Variants in RPS6KA2 observed in about 807,000 individuals in gnomAD.
The protein encoded by RPS6KA2 is ribosomal protein S6 kinase A2.
A neutral mutation model predicts 91.8 loss-of-function variants in RPS6KA2; 42 were observed. The observed-to-expected ratio is 0.46, with a 90% CI of 0.36 to 0.59. The LOEUF (loss-of-function observed/expected upper bound fraction) is 0.59. Among genes scored for constraint, RPS6KA2 ranks in the 20% least tolerant of loss-of-function variants. The pLI is 0.00. For missense variants in RPS6KA2, 798 were observed against 978.5 expected, an observed-to-expected ratio of 0.82 and a Z score of 2.46; for synonymous variants, 414 against 393.6, an observed-to-expected ratio of 1.05 and a Z score of -0.61.
chr6:166,728,049 C>T (rs1436420636), intron 2 of RPS6KA2, among the ~76,000 whole-genome samples: 3 of 152,202 alleles, frequency 2.0e-5, no homozygotes, highest in Admixed American at 1.3e-4. Flanking sequence ...ATAGCACTTA[C>T]CTTGCATTGG....
In RPS6KA2 at chr6:166,648,174, TCA is replaced by T. The variant is rs1491198183; in HGVS notation, c.124-109392_124-109391del. On this transcript the variant is annotated intron_variant, in intron 2 of 21. Transcript: ENST00000503859. This position sits in a 1 kb window ranked among gnomAD's most constrained non-coding sequence, Gnocchi z 4.8. ...TGGTTACACACCCATGCACACATGC[TCA>T]CACACATGCACACATGCTCATACAC... Among the ~76,000 whole-genome samples, 107 of 81,372 alleles carry T rather than the reference TCA, an allele frequency of 1.3e-3. No individual in the cohort carries two copies. Among genetic ancestry groups the T allele is most frequent in the African/African-American group, 4.9e-3 (98 of 19,982 alleles). The allele number at this position is 81,372 out of a possible 152,430, so 53.4% of individuals were successfully genotyped here. A position where few individuals can be genotyped will look rare whatever the true frequency, so the allele number is the denominator to read the frequency against.
rs74846936 is a variant in RPS6KA2, at chr6:166,724,864, C to T, written c.123+133336G>A. ...TCTGAAAGATAAACAAGTTAGCTCA[C>T]GCCCTCCCCTCCTCTCCACTTGCAT... On this transcript the variant is annotated intron_variant, in intron 2 of 21. Transcript: ENST00000503859. 5.3e-4 allele frequency among the ~76,000 whole-genome samples: 80 copies of T among 152,210 alleles called. 1 individual carries two copies. The highest frequency in any genetic ancestry group is 1.7e-3 in the African/African-American group (71 of 41,530).
At chr6:166,618,898 C>T (rs1305698341) in intron 1 of RPS6KA2, among the ~76,000 whole-genome samples, 3 of 152,178 alleles carry the variant, frequency 2.0e-5, no homozygotes, top group Non-Finnish European at 4.4e-5. Flanking sequence ...GCTTACAACC[C>T]TGAGAGACAC....
At chr6:166,734,881 C>T (rs904836764) in intron 2 of RPS6KA2, among the ~76,000 whole-genome samples, 1 of 152,152 alleles carries the variant, frequency 6.6e-6, no homozygotes, top group Non-Finnish European at 1.5e-5. Flanking sequence ...TTTTCACATA[C>T]AGAATGAGAA....
At chr6:166,823,333 A>G (rs1779950183) in intron 2 of RPS6KA2, among the ~76,000 whole-genome samples, 1 of 152,204 alleles carries the variant, frequency 6.6e-6, no homozygotes, top group Non-Finnish European at 1.5e-5. Flanking sequence ...CCTGACTCAC[A>G]CAAACTATTA....
intron 1 of RPS6KA2, among the ~76,000 whole-genome samples, chr6:166,569,660 A>G (rs1366409291): frequency 1.3e-5 from 2 of 152,144 alleles, no homozygotes; most frequent in African/African-American, 4.8e-5. Context: ...TGCTGCACGG[A>G]CCACAGACAA....
intron 2 of RPS6KA2, among the ~76,000 whole-genome samples, chr6:166,683,217 G>A (rs553106742): frequency 1.1e-4 from 17 of 152,330 alleles, no homozygotes; most frequent in African/African-American, 3.6e-4. Context: ...TCATACCTAC[G>A]TGTGCCTCTG....
At chr6:166,774,472 G>C (rs1778561701) in intron 2 of RPS6KA2, among the ~76,000 whole-genome samples, 1 of 152,140 alleles carries the variant, frequency 6.6e-6, no homozygotes, top group South Asian at 2.1e-4. Flanking sequence ...CTGGGTCTTT[G>C]AGAATGCTGT....
At position 166,665,285 on chromosome 6, in the gene RPS6KA2, G is replaced by A. The variant is rs1409542052; in HGVS notation, c.124-126501C>T. Among the ~76,000 whole-genome samples, 4 of 152,258 alleles carry A rather than the reference G, an allele frequency of 2.6e-5. No individual in the cohort carries two copies. Among genetic ancestry groups the A allele is most frequent in the South Asian group, 2.1e-4 (1 of 4,814 alleles). On this transcript the variant is annotated intron_variant, in intron 2 of 21. Transcript: ENST00000503859. The surrounding 1 kb of genome is among the most constrained non-coding windows in gnomAD (Gnocchi z 4.5). ...ATGGTGTGACTTACAGGAGCACCCC[G>A]AGGTGTATAAGAGTGTCCCTAAATT...
At chr6:166,857,907 C>T (rs1343268139) in intron 2 of RPS6KA2, among the ~76,000 whole-genome samples, 1 of 152,220 alleles carries the variant, frequency 6.6e-6, no homozygotes, top group African/African-American at 2.4e-5. Flanking sequence ...GGTACTAATG[C>T]ACCATGACCC....
intron 2 of RPS6KA2, among the ~76,000 whole-genome samples, chr6:166,836,721 G>A (rs1780326753): frequency 1.3e-5 from 2 of 152,162 alleles, no homozygotes; most frequent in Admixed American, 1.3e-4. Flanking sequence ...TAGCGTCTGG[G>A]CCAGTCTCGA....
chr6:166,712,963 T>C (rs2128581029), intron 2 of RPS6KA2, among the ~76,000 whole-genome samples: 2 of 152,318 alleles, frequency 1.3e-5, no homozygotes, highest in Middle Eastern at 3.4e-3. Flanking sequence ...AGCTCTGGGT[T>C]CCCGACAGCC....
At chr6:166,481,693 G>A (rs531716175) in intron 10 of RPS6KA2, among the ~76,000 whole-genome samples, 12 of 150,162 alleles carry the variant, frequency 8.0e-5, no homozygotes, top group African/African-American at 2.4e-4. Context: ...GTGCTGCAGC[G>A]CGGAGAGCTC....
chr6:166,725,186 A>G (rs1435628217), intron 2 of RPS6KA2, among the ~76,000 whole-genome samples: 2 of 152,028 alleles, frequency 1.3e-5, no homozygotes, highest in Non-Finnish European at 2.9e-5. Flanking sequence ...AGTAAAAAAA[A>G]GTCTTTTATT....
At chr6:166,759,855 C>T (rs1369537712) in intron 2 of RPS6KA2, among the ~76,000 whole-genome samples, 2 of 152,342 alleles carry the variant, frequency 1.3e-5, no homozygotes, top group East Asian at 1.9e-4. Flanking sequence ...AACGCAGCGC[C>T]GTTCCCACCA....
Position 166,650,148 on chromosome 6 carries a change from CAA to C in RPS6KA2, c.124-111366_124-111365del, listed in dbSNP as rs71800915. 1.8e-3 allele frequency among the ~76,000 whole-genome samples: 167 copies of C among 94,690 alleles called. No individual in the cohort carries two copies. The Middle Eastern group carries it at 0.029, about 16-fold the overall frequency. 62.1% of individuals were successfully genotyped at this position (94,690 alleles called of 152,430 possible). On this transcript the variant is annotated intron_variant, in intron 2 of 21. Coordinates refer to the RPS6KA2 transcript ENST00000503859. ...GGCTCATTTGTTTTGTTGGGAATTACAAAAAAAAAAAAAAAAAGCACAATTAA... is the reference window on the plus strand; with the variant it reads ...GGCTCATTTGTTTTGTTGGGAATTACAAAAAAAAAAAAAAAGCACAATTAA...
upstream of RPS6KA2, among the ~76,000 whole-genome samples, chr6:166,632,081 G>T (rs944288572): frequency 6.6e-6 from 1 of 152,104 alleles, no homozygotes; most frequent in Admixed American, 6.5e-5. Flanking sequence ...TGTACCCTTT[G>T]AGCAACATCG....
At chr6:166,846,164 T>C (rs1055087492) in intron 2 of RPS6KA2, among the ~76,000 whole-genome samples, 1 of 151,850 alleles carries the variant, frequency 6.6e-6, no homozygotes, top group Admixed American at 6.6e-5. Context: ...ACCAGGAAGA[T>C]ATAGAAACTC....
intron 2 of RPS6KA2, among the ~76,000 whole-genome samples, chr6:166,706,529 C>T (rs1048737576): frequency 2.6e-5 from 4 of 152,178 alleles, no homozygotes; most frequent in African/African-American, 9.7e-5. Context: ...GGAAGCGTCC[C>T]CTGCCGTGAC....
Sources: allele counts gnomAD v4.1 joint callset (sites outside exome capture counted in the v4.1 genomes callset), GRCh38; gene constraint gnomAD v4.1.1; non-coding constraint Gnocchi (gnomAD v3.1); transcripts MANE v1.5; gene names NCBI Gene and HGNC (gene_info 2026-07-23, HGNC 2026-07-21).